WHRN: variants seen among roughly 807,000 people sequenced by gnomAD.
WHRN encodes CASK-interacting protein CIP98.
In WHRN, 41 loss-of-function variants were observed where a neutral mutation model predicts 68.3. That is an observed-to-expected ratio of 0.60 (90% CI 0.47 to 0.78). The LOEUF (loss-of-function observed/expected upper bound fraction) is 0.78. Ranked by LOEUF, WHRN falls within the 30% of genes least tolerant of loss-of-function variation. The pLI is 0.00. For missense variants in WHRN, 1,243 were observed against 1,244.7 expected (o/e 1.00, Z 0.02); for synonymous variants, 560 against 561.3 (o/e 1.00, Z 0.03).
At chr9:114,433,336 T>C (rs1008375331) in intron 3 of WHRN, among the ~76,000 whole-genome samples, 1 of 152,152 alleles carries the variant, frequency 6.6e-6, no homozygotes, top group Non-Finnish European at 1.5e-5. Context: ...GAGGCTGAGC[T>C]GGGAGACGGG....
Position 114,406,449 on chromosome 9 carries a change from C to T in WHRN, c.2142G>A (p.Gln714=). 6.2e-7 allele frequency: 1 copy of T among 1,614,142 alleles called. No individual in the cohort carries two copies. The highest frequency in any genetic ancestry group is 8.5e-7 in the Non-Finnish European group (1 of 1,180,032). Residue 714 remains glutamine (Q), a synonymous_variant, in exon 9 of 12, where the codon CAG becomes CAA. Coordinates refer to ENST00000362057, the MANE Select transcript of WHRN (RefSeq NM_015404.4). The stretch of plus-strand genomic sequence containing the variant: ...TGACAAAGTGCTGGTTTGTGCCTGT[C>T]TGGTCTGGGTGGCCAGAGGGTGATG... ...LPPSPSGHPD[Q]TGTNQHFVMV... is the part of the protein sequence containing the mutation.
chr9:114,412,562 G>C (rs528913666), intron 7 of WHRN, among the ~76,000 whole-genome samples: 2 of 152,316 alleles, frequency 1.3e-5, no homozygotes, highest in South Asian at 4.2e-4. Context: ...TCTATTCAAG[G>C]CCCGACTCCA....
intron 10 of WHRN, among the ~76,000 whole-genome samples, chr9:114,403,592 C>T (rs574852153): frequency 1.3e-5 from 2 of 152,328 alleles, no homozygotes; most frequent in East Asian, 3.9e-4. Flanking sequence ...GGACTTGAAT[C>T]GAAGCCTGAC....
chr9:114,455,917 T>C (rs1044243841), intron 3 of WHRN, among the ~76,000 whole-genome samples: 1 of 152,084 alleles, frequency 6.6e-6, no homozygotes, highest in Non-Finnish European at 1.5e-5. Context: ...AACACTTACA[T>C]TAGTCTACAG....
At chr9:114,488,005 T>G (rs969337131) in intron 1 of WHRN, among the ~76,000 whole-genome samples, 1 of 152,224 alleles carries the variant, frequency 6.6e-6, no homozygotes, top group South Asian at 2.1e-4. Context: ...CCTAAAGCAC[T>G]GCAAAGCACC....
intron 3 of WHRN, among the ~76,000 whole-genome samples, chr9:114,463,163 C>T (rs1001719993): frequency 5.3e-5 from 8 of 152,258 alleles, no homozygotes; most frequent in African/African-American, 1.7e-4. Context: ...AATAACTAGG[C>T]TTTTCAAACA....
intron 10 of WHRN, 101 bp from the exon 11 acceptor site, chr9:114,403,440 A>T: frequency 6.6e-7 from 1 of 1,507,672 alleles, no homozygotes; most frequent in Admixed American, 1.7e-5. Flanking sequence ...AGCAGAGCTC[A>T]GGCTCCAGCC....
At position 114,466,508 on chromosome 9, in the gene WHRN, G is replaced by A. The variant is rs944206571; in HGVS notation, c.838-116C>T. 4.7e-6 allele frequency: 7 copies of A among 1,483,122 alleles called. No individual in the cohort carries two copies. The Admixed American group carries it at 6.7e-5, about 14-fold the overall frequency. The allele number at this position is 1,483,122 out of a possible 1,614,324, so 91.9% of individuals were successfully genotyped here. Reference sequence around the variant, plus strand: ...GAGCGCATCTTATCCGACTGGCAAGGAGGCCCAGGCCAAGGCCTGGAAGAT... The same window carrying A: ...GAGCGCATCTTATCCGACTGGCAAGAAGGCCCAGGCCAAGGCCTGGAAGAT... On this transcript the variant is annotated intron_variant, in intron 2 of 11. Transcript: ENST00000362057.
intron 10 of WHRN, among the ~76,000 whole-genome samples, 188 bp from the exon 11 acceptor site, chr9:114,403,527 C>A (rs1354272191): frequency 6.6e-6 from 1 of 152,226 alleles, no homozygotes; most frequent in Admixed American, 6.5e-5. Flanking sequence ...TCACCAAAAT[C>A]CCCGAGGCTC....
chr9:114,501,462 G>C (rs377132981), intron 1 of WHRN, among the ~76,000 whole-genome samples: 1 of 151,708 alleles, frequency 6.6e-6, no homozygotes, highest in East Asian at 1.9e-4. Context: ...AACTTTGCTC[G>C]ACCCACTCTT....
At chr9:114,494,930 G>T (rs60596377) in intron 1 of WHRN, among the ~76,000 whole-genome samples, 5 of 145,936 alleles carry the variant, frequency 3.4e-5, no homozygotes, top group African/African-American at 1.0e-4. Flanking sequence ...ATGACACTGG[G>T]GGGGGGAGCG....
intron 1 of WHRN, among the ~76,000 whole-genome samples, chr9:114,488,622 C>A (rs1164757388): frequency 6.6e-6 from 1 of 152,142 alleles, no homozygotes; most frequent in Non-Finnish European, 1.5e-5. Context: ...TCTTGAACCC[C>A]GAGCAGGTGC....
rs552732491 is a variant in WHRN, at chr9:114,410,400, T to A, written c.1627-2382A>T. On this transcript the variant is annotated intron_variant, in intron 7 of 11. Transcript: ENST00000362057. ...ATGAATGAATGGCAGGATGGATGAA[T>A]GAATGAATCAATCACTCTAGCCATC... 3.3e-5 allele frequency among the ~76,000 whole-genome samples: 5 copies of A among 152,306 alleles called. No homozygotes were observed. In the South Asian group the frequency reaches 1.0e-3, roughly 32 times the overall value.
chr9:114,422,883 G>C (rs913585839), intron 7 of WHRN, among the ~76,000 whole-genome samples: 1 of 152,084 alleles, frequency 6.6e-6, no homozygotes, highest in Non-Finnish European at 1.5e-5. Flanking sequence ...GAGACAAAAG[G>C]GTGGCCTCTT....
intron 3 of WHRN, among the ~76,000 whole-genome samples, chr9:114,462,931 G>A (rs935838903): frequency 6.6e-6 from 1 of 152,206 alleles, no homozygotes; most frequent in Non-Finnish European, 1.5e-5. Flanking sequence ...CAGAGAGAGA[G>A]GGCGAGATGC....
chr9:114,458,850 C>T (rs143764815), intron 3 of WHRN, among the ~76,000 whole-genome samples: 64 of 152,330 alleles, frequency 4.2e-4, no homozygotes, highest in East Asian at 2.5e-3. Context: ...AGCCAATATC[C>T]ACTGAGTGAT....
intron 1 of WHRN, among the ~76,000 whole-genome samples, chr9:114,496,004 C>T (rs1024366529): frequency 6.6e-6 from 1 of 152,112 alleles, no homozygotes; most frequent in Non-Finnish European, 1.5e-5. Context: ...CTTAATGAGA[C>T]TTTGTACACC....
chr9:114,455,417 C>A (rs1839695846), intron 3 of WHRN, among the ~76,000 whole-genome samples: 1 of 152,078 alleles, frequency 6.6e-6, no homozygotes, highest in Non-Finnish European at 1.5e-5. Context: ...CAAAGACAAG[C>A]CACAGAATGA....
intron 4 of WHRN, chr9:114,425,624 CACACACAG>C (rs1303620998): frequency 5.2e-4 from 132 of 253,308 alleles, no homozygotes; most frequent in African/African-American, 2.6e-3. Context: ...CACACACACA[CACACACAG>C]AGAGACACAG....
Sources: allele counts gnomAD v4.1 joint callset (sites outside exome capture counted in the v4.1 genomes callset), GRCh38; gene constraint gnomAD v4.1.1; transcripts MANE v1.5; gene names NCBI Gene and HGNC (gene_info 2026-07-23, HGNC 2026-07-21).